Variants in PARD3 observed in about 807,000 individuals in gnomAD.
PARD3 encodes the protein par-3 family cell polarity regulator.
PARD3 carries 75 observed loss-of-function variants against 155.4 expected under a neutral mutation model. The ratio of observed to expected loss-of-function variants is 0.48; its 90% CI spans 0.40 to 0.58. The LOEUF is 0.58. PARD3 is among the 20% of genes least tolerant of loss of function. The pLI is 0.00. For missense variants in PARD3, 1,642 were observed against 1,721.7 expected (o/e 0.95, Z 0.82); for synonymous variants, 576 against 610.5 (o/e 0.94, Z 0.83).
intron 22 of PARD3, among the ~76,000 whole-genome samples, chr10:34,209,084 A>G (rs945031087): frequency 6.6e-6 from 1 of 152,256 alleles, no homozygotes; most frequent in African/African-American, 2.4e-5. Context: ...AAAAAATGTA[A>G]GACAAAGTAA....
At chr10:34,150,180 T>C (rs1221130458) in intron 22 of PARD3, among the ~76,000 whole-genome samples, 1 of 152,138 alleles carries the variant, frequency 6.6e-6, no homozygotes, top group Non-Finnish European at 1.5e-5. Flanking sequence ...GAGATACAAG[T>C]AAACATCTAA....
intron 2 of PARD3, among the ~76,000 whole-genome samples, chr10:34,613,961 A>G (rs1198439510): frequency 6.6e-6 from 1 of 152,370 alleles, no homozygotes; most frequent in East Asian, 1.9e-4. Context: ...AAACTATAGC[A>G]AACATTAAGA....
chr10:34,765,858 T>C (rs941210671), intron 1 of PARD3, among the ~76,000 whole-genome samples: 5 of 152,204 alleles, frequency 3.3e-5, no homozygotes, highest in African/African-American at 9.7e-5. Context: ...TATTAACTCA[T>C]GTGATCCTCA....
intron 1 of PARD3, among the ~76,000 whole-genome samples, chr10:34,730,726 G>T (rs138972756): frequency 1.3e-5 from 2 of 152,200 alleles, no homozygotes; most frequent in African/African-American, 4.8e-5. Flanking sequence ...GTACAAGGCT[G>T]CAGTGAGCTA....
At chr10:34,493,955 A>G (rs1333848627) in intron 3 of PARD3, among the ~76,000 whole-genome samples, 3 of 152,166 alleles carry the variant, frequency 2.0e-5, no homozygotes, top group South Asian at 4.1e-4. Context: ...CAGTGACATC[A>G]ATTTGGTAGC....
rs906266628 is a variant in PARD3, at chr10:34,770,767, C to T, written c.120+44109G>A. 2.6e-5 allele frequency among the ~76,000 whole-genome samples: 4 copies of T among 152,158 alleles called. No homozygotes were observed. In the South Asian group the frequency reaches 8.3e-4, roughly 32 times the overall value. ...TAAATTGTATCTTAAGTTCCAGTTT[C>T]CTAGGGGTATCACCTGCAATGATGT... is the stretch of plus-strand genomic sequence containing the variant. On this transcript the variant is annotated intron_variant, in intron 1 of 24. Coordinates refer to ENST00000374788, the MANE Select transcript of PARD3 (RefSeq NM_001184785.2).
At chr10:34,517,270 C>A (rs1259551285) in intron 2 of PARD3, 111 bp from the exon 3 acceptor site, 2 of 904,408 alleles carry the variant, frequency 2.2e-6, no homozygotes, top group Non-Finnish European at 3.2e-6. Flanking sequence ...ATATAAATGA[C>A]CCTAGAATGG....
At chr10:34,449,456 T>TG (rs1433524586) in intron 5 of PARD3, among the ~76,000 whole-genome samples, 436 of 37,134 alleles carry the variant, frequency 0.012, 2 homozygotes, top group African/African-American at 0.039. Flanking sequence ...TCATTGGAGG[T>TG]GGGGGGAGGG....
chr10:34,190,375 T>C (rs1950653099), intron 22 of PARD3, among the ~76,000 whole-genome samples: 3 of 152,246 alleles, frequency 2.0e-5, no homozygotes, highest in Admixed American at 1.3e-4. Flanking sequence ...TTTTTTATTC[T>C]GCACAGTTAT....
At chr10:34,287,146 C>T (rs1398496735) in intron 20 of PARD3, among the ~76,000 whole-genome samples, 1 of 152,130 alleles carries the variant, frequency 6.6e-6, no homozygotes, top group Non-Finnish European at 1.5e-5. Context: ...CATTTAAAGC[C>T]AGGGCATTCA....
intron 1 of PARD3, among the ~76,000 whole-genome samples, chr10:34,701,589 A>G (rs2094280131): frequency 6.6e-6 from 1 of 152,144 alleles, no homozygotes; most frequent in South Asian, 2.1e-4. Context: ...AGAATGTCAG[A>G]ACACCGGAAC....
At chr10:34,231,535 G>C (rs1178158360) in intron 22 of PARD3, among the ~76,000 whole-genome samples, 1 of 152,070 alleles carries the variant, frequency 6.6e-6, no homozygotes, top group Non-Finnish European at 1.5e-5. Flanking sequence ...GAGATGTGCA[G>C]AAAACTTGTA....
intron 1 of PARD3, among the ~76,000 whole-genome samples, chr10:34,719,927 T>C (rs926449276): frequency 1.3e-5 from 2 of 152,206 alleles, no homozygotes; most frequent in Non-Finnish European, 2.9e-5. Context: ...GGTGTTTGTT[T>C]TGATGCGAAG....
intron 22 of PARD3, among the ~76,000 whole-genome samples, chr10:34,236,588 A>C (rs773469387): frequency 6.6e-6 from 1 of 152,170 alleles, no homozygotes; most frequent in Non-Finnish European, 1.5e-5. Context: ...GTATTATGGA[A>C]AAATTGTCTT....
chr10:34,194,947 T>C (rs1156573814), intron 22 of PARD3, among the ~76,000 whole-genome samples: 1 of 152,222 alleles, frequency 6.6e-6, no homozygotes, highest in Non-Finnish European at 1.5e-5. Flanking sequence ...TGTTTACTTA[T>C]AAAACAGATG....
chr10:34,149,177 A>G (rs556720113), intron 22 of PARD3, among the ~76,000 whole-genome samples: 11 of 152,276 alleles, frequency 7.2e-5, no homozygotes, highest in African/African-American at 2.6e-4. Context: ...TGACCATTTG[A>G]GTATTTTTAA....
intron 2 of PARD3, among the ~76,000 whole-genome samples, chr10:34,561,660 A>G (rs1020850094): frequency 2.0e-5 from 3 of 151,930 alleles, no homozygotes; most frequent in Non-Finnish European, 2.9e-5. Flanking sequence ...CTGGGATTAC[A>G]GGCGTGCGCC....
At chr10:34,787,948 ATT>A (rs1166169945) in intron 1 of PARD3, among the ~76,000 whole-genome samples, 15 of 141,338 alleles carry the variant, frequency 1.1e-4, no homozygotes, top group Admixed American at 7.1e-5. Context: ...TGCCCAGCTA[ATT>A]TTTTTTTTTT....
chr10:34,342,684 G>A (rs1836959728), intron 15 of PARD3, among the ~76,000 whole-genome samples: 1 of 152,122 alleles, frequency 6.6e-6, no homozygotes, highest in African/African-American at 2.4e-5. Context: ...CAAGCGTGAA[G>A]GATTTTTAAA....
Sources: allele counts gnomAD v4.1 joint callset (sites outside exome capture counted in the v4.1 genomes callset), GRCh38; gene constraint gnomAD v4.1.1; transcripts MANE v1.5; gene names NCBI Gene and HGNC (gene_info 2026-07-23, HGNC 2026-07-21).